PAK3: variants seen among roughly 807,000 people sequenced by gnomAD.
PAK3 encodes the protein serine/threonine-protein kinase PAK 3.
PAK3 carries 4 observed loss-of-function variants against 41.0 expected under a neutral mutation model. That is an observed-to-expected ratio of 0.10 (90% CI 0.05 to 0.22). The LOEUF (loss-of-function observed/expected upper bound fraction) is 0.22. PAK3 is among the 10% of genes least tolerant of loss of function. PAK3 has a pLI of 1.00. For missense variants in PAK3, 205 were observed against 409.9 expected (o/e 0.50, Z 4.32); for synonymous variants, 146 against 139.6 (o/e 1.05, Z -0.32).
chrX:111,140,898 C>T (rs760400741), intron 5 of PAK3, among the ~76,000 whole-genome samples: 9 of 111,852 alleles, frequency 8.0e-5, no homozygotes, highest in Admixed American at 5.7e-4. Context: ...TAAAATTTAT[C>T]ATGGGTAACC....
At chrX:111,030,566 G>A (rs1162223222) in intron 1 of PAK3, among the ~76,000 whole-genome samples, 1 of 111,588 alleles carries the variant, frequency 9.0e-6, no homozygotes, top group African/African-American at 3.3e-5. Flanking sequence ...CAAATAGATG[G>A]GTGGGTGGAT....
intron 10 of PAK3, among the ~76,000 whole-genome samples, chrX:111,172,541 T>C (rs2094356334): frequency 9.0e-6 from 1 of 111,269 alleles, no homozygotes; most frequent in Non-Finnish European, 1.9e-5. Flanking sequence ...ATTGTTCCTA[T>C]CTTTATACTC....
At chrX:110,950,588 C>T (rs898230973) in intron 1 of PAK3, among the ~76,000 whole-genome samples, 1 of 111,485 alleles carries the variant, frequency 9.0e-6, no homozygotes, top group Non-Finnish European at 1.9e-5. Context: ...TCCCCCAACC[C>T]GTGATAGGCT....
chrX:111,142,066 A>G lies in PAK3; in HGVS notation c.176-30A>G, dbSNP rs758660667. The stretch of plus-strand genomic sequence containing the variant: ...TTGTGGATGCCAAAACTATACCCCA[A>G]ATAAATACATGTTAACATTTTGCCT... On this transcript the variant is annotated intron_variant, in intron 5 of 17. Transcript: ENST00000372007. 5 of 895,083 alleles carry G rather than the reference A, an allele frequency of 5.6e-6. No homozygotes were observed. The South Asian group carries it at 7.9e-5, about 14-fold the overall frequency. 73.8% of individuals were successfully genotyped at this position (895,083 alleles called of 1,213,427 possible).
intron 1 of PAK3, among the ~76,000 whole-genome samples, chrX:111,023,115 C>T (rs2092214042): frequency 9.0e-6 from 1 of 111,166 alleles, no homozygotes; most frequent in South Asian, 3.9e-4. Context: ...TTGTTCAACT[C>T]CCACTTATGA....
Position 111,179,423 on chromosome X carries a change from A to G in PAK3, c.830+6342A>G, listed in dbSNP as rs746649388. 2.7e-5 allele frequency among the ~76,000 whole-genome samples: 3 copies of G among 111,361 alleles called. No homozygotes were observed. In the South Asian group the frequency reaches 1.1e-3, roughly 42 times the overall value. On this transcript the variant is annotated intron_variant, in intron 11 of 17. Transcript: ENST00000372007. The stretch of plus-strand genomic sequence containing the variant: ...TCTACTATCTACTATATGACTTTTT[A>G]AAATTTCTATTACAAATTGTCATAC...
intron 1 of PAK3, among the ~76,000 whole-genome samples, chrX:111,035,228 G>GCT (rs771934380): frequency 9.1e-6 from 1 of 110,030 alleles, no homozygotes; most frequent in Admixed American, 9.7e-5. Context: ...TTGTTGTGAG[G>GCT]CTCAACTAAG....
intron 5 of PAK3, among the ~76,000 whole-genome samples, chrX:111,139,099 A>G (rs1208547989): frequency 8.9e-6 from 1 of 111,862 alleles, no homozygotes; most frequent in East Asian, 2.8e-4. Context: ...GAAGTGATGA[A>G]GCCTTGGACT....
At chrX:111,186,962 C>T (rs1391779469) in intron 11 of PAK3, among the ~76,000 whole-genome samples, 1 of 111,631 alleles carries the variant, frequency 9.0e-6, no homozygotes, top group Admixed American at 9.5e-5. Context: ...TGGGAGTATA[C>T]ACTACTGTGC....
intron 1 of PAK3, among the ~76,000 whole-genome samples, chrX:111,034,639 T>A (rs1337946260): frequency 1.8e-5 from 2 of 111,557 alleles, no homozygotes. Context: ...CTGTCTGAGG[T>A]GCTGCACCCC....
At chrX:111,030,304 G>A (rs2092325333) in intron 1 of PAK3, among the ~76,000 whole-genome samples, 1 of 110,730 alleles carries the variant, frequency 9.0e-6, no homozygotes, top group African/African-American at 3.3e-5. Flanking sequence ...TAGAAGAGTG[G>A]TAGAGTTGAT....
intron 5 of PAK3, among the ~76,000 whole-genome samples, chrX:111,134,030 A>G (rs1172996387): frequency 8.9e-6 from 1 of 112,005 alleles, no homozygotes; most frequent in Non-Finnish European, 1.9e-5. Flanking sequence ...TAGGCCCAAC[A>G]AAACTTCCAG....
At chrX:111,187,207 G>A (rs969692142) in intron 11 of PAK3, among the ~76,000 whole-genome samples, 3 of 111,918 alleles carry the variant, frequency 2.7e-5, no homozygotes, top group African/African-American at 9.7e-5. Flanking sequence ...GGAAGTATAT[G>A]TGATATTTGA....
intron 6 of PAK3, 75 bp downstream of exon 6, chrX:111,142,271 G>T (rs754905967): frequency 4.8e-6 from 3 of 626,410 alleles, no homozygotes; most frequent in Admixed American, 2.2e-5. Context: ...AGCAAGAATT[G>T]CCATGTCCCA....
chrX:111,059,998 T>C (rs1025729653), intron 1 of PAK3, among the ~76,000 whole-genome samples: 3 of 111,813 alleles, frequency 2.7e-5, no homozygotes, highest in Non-Finnish European at 5.6e-5. Context: ...TAGACATTCA[T>C]GTTTTGTTTC....
intron 1 of PAK3, among the ~76,000 whole-genome samples, chrX:111,047,356 C>T (rs1236383601): frequency 1.8e-5 from 2 of 110,221 alleles, no homozygotes; most frequent in African/African-American, 3.3e-5. Flanking sequence ...TGAGAACATA[C>T]ATATATCCTT....
intron 1 of PAK3, among the ~76,000 whole-genome samples, chrX:110,956,908 A>G (rs1014347241): frequency 8.9e-6 from 1 of 111,752 alleles, no homozygotes; most frequent in Non-Finnish European, 1.9e-5. Context: ...TTCTTTGTGG[A>G]GGGCCTCCTC....
At chrX:111,030,576 T>A (rs927680895) in intron 1 of PAK3, among the ~76,000 whole-genome samples, 1 of 111,329 alleles carries the variant, frequency 9.0e-6, no homozygotes, top group African/African-American at 3.3e-5. Context: ...GGTGGGTGGA[T>A]GGATGAAGGG....
intron 8 of PAK3, among the ~76,000 whole-genome samples, chrX:111,156,400 G>T (rs1024513100): frequency 8.9e-6 from 1 of 111,834 alleles, no homozygotes; most frequent in Admixed American, 9.5e-5. Context: ...ACTGCTTGAT[G>T]AAGGCTAGGT....
Sources: gnomAD v4.1 joint callset for allele counts (sites outside exome capture counted in the v4.1 genomes callset) on GRCh38, gnomAD v4.1.1 for gene constraint, MANE v1.5 for transcripts, NCBI Gene and HGNC (gene_info 2026-07-23, HGNC 2026-07-21) for gene names.